CADM2: variants seen among roughly 807,000 people sequenced by gnomAD.
CADM2 encodes immunoglobulin superfamily member 4D.
In CADM2, 12 loss-of-function variants were observed where a neutral mutation model predicts 49.8. The ratio of observed to expected loss-of-function variants is 0.24; its 90% CI spans 0.15 to 0.39. The LOEUF (loss-of-function observed/expected upper bound fraction) is 0.39, where lower values mean the gene tolerates loss of function less well. Among genes scored for constraint, CADM2 ranks in the 10% least tolerant of loss-of-function variants. The pLI, the probability that CADM2 is intolerant of heterozygous loss-of-function variation, is 1.00. For synonymous variants in CADM2, 214 were observed against 175.4 expected, an observed-to-expected ratio of 1.22 and a Z score of -1.74; for missense variants, 378 against 492.3, an observed-to-expected ratio of 0.77 and a Z score of 2.20.
chr3:85,328,199 T>G (rs1233573374), intron 1 of CADM2, among the ~76,000 whole-genome samples: 2 of 152,224 alleles, frequency 1.3e-5, no homozygotes, highest in Non-Finnish European at 2.9e-5. Context: ...TGAATTCCTG[T>G]CTAACAGGCT....
At chr3:85,603,492 G>A (rs2063470546) in intron 1 of CADM2, among the ~76,000 whole-genome samples, 1 of 151,800 alleles carries the variant, frequency 6.6e-6, no homozygotes, top group South Asian at 2.1e-4. Flanking sequence ...GACTCTATCA[G>A]CCTTCTTGAA....
intron 8 of CADM2, among the ~76,000 whole-genome samples, chr3:85,968,076 C>G (rs1176831507): frequency 6.6e-6 from 1 of 151,586 alleles, no homozygotes; most frequent in East Asian, 2.0e-4. Context: ...GAGCAACAAA[C>G]AGTGTGCTAA....
At chr3:85,460,733 G>GTGT (rs2038207140) in intron 1 of CADM2, among the ~76,000 whole-genome samples, 2 of 149,068 alleles carry the variant, frequency 1.3e-5, no homozygotes, top group Non-Finnish European at 3.0e-5. Context: ...TGGGAGATGT[G>GTGT]GTGTGTGTGT....
chr3:85,440,877 G>C (rs185469751), intron 1 of CADM2, among the ~76,000 whole-genome samples: 3 of 152,130 alleles, frequency 2.0e-5, no homozygotes, highest in East Asian at 1.9e-4. Flanking sequence ...AGTTATTTAC[G>C]AGGCTGAGAG....
At chr3:85,735,921 G>A (rs1039372703) in intron 2 of CADM2, among the ~76,000 whole-genome samples, 6 of 152,124 alleles carry the variant, frequency 3.9e-5, no homozygotes, top group African/African-American at 1.4e-4. Context: ...GTTAATAAAT[G>A]TGAAATTTAG....
intron 1 of CADM2, among the ~76,000 whole-genome samples, chr3:85,469,824 A>C (rs1348925901): frequency 6.6e-6 from 1 of 152,220 alleles, no homozygotes; most frequent in Admixed American, 6.5e-5. Context: ...AAAGTGTTGC[A>C]GGTGCCTACA....
chr3:85,915,157 T>C (rs1718116495), intron 6 of CADM2, among the ~76,000 whole-genome samples: 1 of 152,152 alleles, frequency 6.6e-6, no homozygotes, highest in South Asian at 2.1e-4. Flanking sequence ...ATTATACAAT[T>C]CTTGAGCATT....
chr3:85,806,376 T>A (rs2072419914), intron 3 of CADM2, among the ~76,000 whole-genome samples: 1 of 152,148 alleles, frequency 6.6e-6, no homozygotes, highest in Non-Finnish European at 1.5e-5. Flanking sequence ...CCGAGAGGCA[T>A]CCCGTAGCAT....
At chr3:85,662,624 CT>C (rs1420261409) in intron 1 of CADM2, among the ~76,000 whole-genome samples, 2 of 152,012 alleles carry the variant, frequency 1.3e-5, no homozygotes, top group African/African-American at 4.8e-5. Context: ...TTTTGTCAGG[CT>C]TTTGTACATG....
intron 2 of CADM2, 23 bp from the exon 3 acceptor site, chr3:85,802,024 C>A: frequency 6.3e-7 from 1 of 1,577,516 alleles, no homozygotes; most frequent in Non-Finnish European, 8.6e-7. Flanking sequence ...ATTTAATCAA[C>A]ATTTTCTTTA....
intron 8 of CADM2, among the ~76,000 whole-genome samples, chr3:86,031,104 G>A (rs1209908947): frequency 6.6e-6 from 1 of 151,710 alleles, no homozygotes; most frequent in Non-Finnish European, 1.5e-5. Context: ...ACAGACTTAG[G>A]AAGGTTCAAT....
At chr3:86,033,676 T>G (rs1394768393) in intron 8 of CADM2, among the ~76,000 whole-genome samples, 2 of 146,466 alleles carry the variant, frequency 1.4e-5, no homozygotes, top group Non-Finnish European at 3.0e-5. Flanking sequence ...TATATGTATA[T>G]ATATATATAT....
At chr3:85,421,128 AG>A (rs2107497633) in intron 1 of CADM2, among the ~76,000 whole-genome samples, 1 of 152,288 alleles carries the variant, frequency 6.6e-6, no homozygotes, top group African/African-American at 2.4e-5. Flanking sequence ...TTTTGAGAAA[AG>A]GGGTATGCAT....
intron 1 of CADM2, among the ~76,000 whole-genome samples, chr3:85,523,453 A>C (rs114825290): frequency 6.6e-6 from 1 of 152,248 alleles, no homozygotes; most frequent in African/African-American, 2.4e-5. Context: ...TTATATAAAT[A>C]AAGGGCTTAA....
chr3:85,898,150 G>A (rs865908924), intron 5 of CADM2, among the ~76,000 whole-genome samples: 7 of 152,224 alleles, frequency 4.6e-5, no homozygotes, highest in Middle Eastern at 6.8e-3. Flanking sequence ...GGCAATACTA[G>A]GAGATACATA....
intron 1 of CADM2, among the ~76,000 whole-genome samples, chr3:85,523,940 T>C (rs920621495): frequency 2.6e-5 from 4 of 152,106 alleles, no homozygotes; most frequent in Non-Finnish European, 5.9e-5. Flanking sequence ...GATCATTCAT[T>C]GGTTGTCTAA....
intron 1 of CADM2, among the ~76,000 whole-genome samples, chr3:85,212,044 C>T (rs1443112278): frequency 2.6e-5 from 4 of 152,076 alleles, no homozygotes; most frequent in Admixed American, 2.6e-4. Flanking sequence ...TTCTTTGTCT[C>T]TTTTTATAAT....
intron 1 of CADM2, among the ~76,000 whole-genome samples, chr3:85,304,169 A>G (rs1288501481): frequency 6.6e-6 from 1 of 151,850 alleles, no homozygotes; most frequent in Non-Finnish European, 1.5e-5. Context: ...TCTAAGAAAC[A>G]TGAAAAATAC....
At chr3:85,566,921 T>C (rs1413712572) in intron 1 of CADM2, among the ~76,000 whole-genome samples, 1 of 152,216 alleles carries the variant, frequency 6.6e-6, no homozygotes, top group East Asian at 1.9e-4. Flanking sequence ...TTCTACATGT[T>C]GAACACTGTG....
Sources: gnomAD v4.1 joint callset for allele counts (sites outside exome capture counted in the v4.1 genomes callset) on GRCh38, gnomAD v4.1.1 for gene constraint, MANE v1.5 for transcripts, NCBI Gene and HGNC (gene_info 2026-07-23, HGNC 2026-07-21) for gene names.